SCAPER: variants seen among roughly 807,000 people sequenced by gnomAD.
The protein encoded by SCAPER is S-phase cyclin A associated protein in the ER.
In SCAPER, 98 loss-of-function variants were observed where a neutral mutation model predicts 182.2. That is an observed-to-expected ratio of 0.54 (90% confidence interval 0.46 to 0.64). The LOEUF is 0.64. SCAPER is among the 30% of genes least tolerant of loss of function. The pLI, the probability that SCAPER is intolerant of heterozygous loss-of-function variation, is 0.00. For synonymous variants in SCAPER, 605 were observed against 564.6 expected (o/e 1.07, Z -1.01); for missense variants, 1,432 against 1,690.0 (o/e 0.85, Z 2.68).
At chr15:76,679,355 T>C (rs2057555099) in intron 20 of SCAPER, among the ~76,000 whole-genome samples, 1 of 152,172 alleles carries the variant, frequency 6.6e-6, no homozygotes, top group African/African-American at 2.4e-5. Flanking sequence ...TATATTTAAG[T>C]TTAAAATTCT....
chr15:76,463,057 C>A (rs1407225425), intron 25 of SCAPER, among the ~76,000 whole-genome samples: 2 of 152,084 alleles, frequency 1.3e-5, no homozygotes, highest in African/African-American at 4.8e-5. Context: ...GACCTCCTCT[C>A]CAGTTTTGAA....
intron 27 of SCAPER, among the ~76,000 whole-genome samples, chr15:76,385,806 C>T (rs1403007596): frequency 1.3e-5 from 2 of 152,194 alleles, no homozygotes; most frequent in Non-Finnish European, 2.9e-5. Flanking sequence ...TAAGGAAGAC[C>T]AAGCCCCTGT....
chr15:76,622,114 G>A (rs758962696), intron 21 of SCAPER, among the ~76,000 whole-genome samples: 2 of 152,072 alleles, frequency 1.3e-5, no homozygotes, highest in Non-Finnish European at 2.9e-5. Context: ...TTTTTATACT[G>A]ACTAAATACC....
chr15:76,882,455 A>C (rs2073610579), intron 2 of SCAPER, among the ~76,000 whole-genome samples: 1 of 152,058 alleles, frequency 6.6e-6, no homozygotes, highest in African/African-American at 2.4e-5. Flanking sequence ...ATCCCCTCTA[A>C]GACCATTTTT....
At chr15:76,569,469 T>C (rs1262937042) in intron 23 of SCAPER, among the ~76,000 whole-genome samples, 1 of 152,200 alleles carries the variant, frequency 6.6e-6, no homozygotes, top group African/African-American at 2.4e-5. Context: ...GAATCCACAT[T>C]TATGAATGAG....
At chr15:76,530,583 G>C (rs1209075580) in intron 23 of SCAPER, among the ~76,000 whole-genome samples, 1 of 152,178 alleles carries the variant, frequency 6.6e-6, no homozygotes, top group Non-Finnish European at 1.5e-5. Flanking sequence ...TCACACTTAG[G>C]AGGGTCTTGT....
At chr15:76,417,414 G>A (rs916750871) in intron 26 of SCAPER, among the ~76,000 whole-genome samples, 2 of 152,240 alleles carry the variant, frequency 1.3e-5, no homozygotes, top group Admixed American at 6.5e-5. Context: ...GTGAGGGTGA[G>A]AGTTTTGAAA....
At chr15:76,372,324 T>C (rs2042238081) in intron 29 of SCAPER, among the ~76,000 whole-genome samples, 1 of 152,220 alleles carries the variant, frequency 6.6e-6, no homozygotes, top group African/African-American at 2.4e-5. Flanking sequence ...TGTTGACCAG[T>C]GCTCTCTCCA....
chr15:76,422,124 T>A (rs2046090696), intron 26 of SCAPER, among the ~76,000 whole-genome samples: 1 of 152,222 alleles, frequency 6.6e-6, no homozygotes, highest in Non-Finnish European at 1.5e-5. Flanking sequence ...TGGTTCCACA[T>A]GAACTTTAAA....
At chr15:76,823,274 C>T (rs779480231) in intron 5 of SCAPER, among the ~76,000 whole-genome samples, 13 of 152,016 alleles carry the variant, frequency 8.6e-5, no homozygotes, top group Non-Finnish European at 1.9e-4. Context: ...GCCCGGCCAA[C>T]ATGGTGAAAC....
chr15:76,705,358 T>C (rs2059197098), intron 18 of SCAPER, among the ~76,000 whole-genome samples: 2 of 123,606 alleles, frequency 1.6e-5, no homozygotes, highest in African/African-American at 3.2e-5. Context: ...TGAGAACACA[T>C]GGACACAGGA....
intron 18 of SCAPER, among the ~76,000 whole-genome samples, chr15:76,703,437 G>A (rs1162433860): frequency 6.6e-6 from 1 of 152,076 alleles, no homozygotes; most frequent in Non-Finnish European, 1.5e-5. Context: ...GTTAACCTAC[G>A]GGTAAAGCAT....
intron 17 of SCAPER, among the ~76,000 whole-genome samples, chr15:76,709,082 T>C (rs1427415764): frequency 6.6e-6 from 1 of 152,016 alleles, no homozygotes; most frequent in African/African-American, 2.4e-5. Context: ...AGGAGAGATA[T>C]CACTATAAAT....
chr15:76,364,531 C>T (rs887953686), intron 29 of SCAPER, among the ~76,000 whole-genome samples: 24 of 152,126 alleles, frequency 1.6e-4, no homozygotes, highest in South Asian at 4.1e-4. Flanking sequence ...CTGTGTCCCT[C>T]CAGGGAAACT....
chr15:76,750,384 T>C (rs202188792), intron 15 of SCAPER, among the ~76,000 whole-genome samples: 1 of 151,894 alleles, frequency 6.6e-6, no homozygotes, highest in East Asian at 1.9e-4. Flanking sequence ...CCAATCCTTC[T>C]CAAACTCCAA....
chr15:76,889,971 C>T (rs572081037), intron 1 of SCAPER, among the ~76,000 whole-genome samples: 6 of 152,344 alleles, frequency 3.9e-5, no homozygotes, highest in Non-Finnish European at 8.8e-5. Flanking sequence ...AACAGTCTCT[C>T]AGACCACAGG....
intron 2 of SCAPER, among the ~76,000 whole-genome samples, chr15:76,876,221 G>A (rs2151937114): frequency 6.6e-6 from 1 of 152,246 alleles, no homozygotes; most frequent in South Asian, 2.1e-4. Context: ...CAAGCTGAGG[G>A]AGCCGGCTCT....
At chr15:76,794,238 G>A (rs2065180160) in intron 8 of SCAPER, among the ~76,000 whole-genome samples, 1 of 152,162 alleles carries the variant, frequency 6.6e-6, no homozygotes, top group South Asian at 2.1e-4. Context: ...AACTAGGTGA[G>A]TTATTCATGA....
At chr15:76,553,620 G>A (rs2045958005) in intron 23 of SCAPER, among the ~76,000 whole-genome samples, 1 of 152,194 alleles carries the variant, frequency 6.6e-6, no homozygotes, top group Non-Finnish European at 1.5e-5. Context: ...GGCCCCTCCA[G>A]CACAGCAGGT....
Sources: allele counts gnomAD v4.1 joint callset (sites outside exome capture counted in the v4.1 genomes callset), GRCh38; gene constraint gnomAD v4.1.1; transcripts MANE v1.5; gene names NCBI Gene and HGNC (gene_info 2026-07-23, HGNC 2026-07-21).